The following CMSS1 variants were observed in gnomAD, a reference collection of about 807,000 sequenced individuals.
The protein encoded by CMSS1 is protein CMSS1.
CMSS1 carries 33 observed loss-of-function variants against 43.5 expected under a neutral mutation model. The observed-to-expected ratio is 0.76, with a 90% CI of 0.57 to 1.01. CMSS1 has a LOEUF of 1.01. CMSS1 is among the 50% of genes least tolerant of loss of function. The probability of loss-of-function intolerance (pLI) is 0.00; values close to 1 mark genes in which losing one functional copy is unlikely to be tolerated. For missense variants in CMSS1, 313 were observed against 326.4 expected, an observed-to-expected ratio of 0.96 and a Z score of 0.32; for synonymous variants, 115 against 117.2, an observed-to-expected ratio of 0.98 and a Z score of 0.12.
chr3:100,174,019 A>T (rs1039031498), intron 8 of CMSS1, among the ~76,000 whole-genome samples: 1 of 152,222 alleles, frequency 6.6e-6, no homozygotes, highest in Non-Finnish European at 1.5e-5. Flanking sequence ...CACTTAACAA[A>T]TATTAGTTAT....
Position 100,171,906 on chromosome 3 carries a change from A to G in CMSS1, c.579+7A>G. ...ATTTGCAAAGCACATAAAGGTAAGC[A>G]AGGGCCTGTGTGATCCCTAAAGGCC... On this transcript the variant is annotated splice_region_variant and intron_variant, in intron 7 of 9. Coordinates refer to ENST00000421999, the MANE Select transcript of CMSS1 (RefSeq NM_032359.4). 1 of 1,612,334 alleles carries G rather than the reference A, an allele frequency of 6.2e-7. No individual in the cohort carries two copies. Among genetic ancestry groups the G allele is most frequent in the South Asian group, 1.1e-5 (1 of 91,054 alleles).
chr3:99,850,259 C>T lies in CMSS1; in HGVS notation c.64+32216C>T, dbSNP rs767529915. 43 of 1,613,744 alleles carry T rather than the reference C, an allele frequency of 2.7e-5. No individual in the cohort carries two copies. The highest frequency in any genetic ancestry group is 3.2e-5 in the Non-Finnish European group (38 of 1,179,992). ...TTTTCTAGCCGACTTTCAATGGCTT[C>T]TAGCTCTTTGATCCTTACTTTTAAA... On this transcript the variant is annotated intron_variant, in intron 1 of 9. Transcript: ENST00000421999.
At position 99,929,939 on chromosome 3, in the gene CMSS1, C is replaced by T; in HGVS notation, c.64+111896C>T. ...GCATCTCTCTGGAGAGCCTCTAACA[C>T]CTTTTTTGGAGTGACAAACCCATAC... On this transcript the variant is annotated intron_variant, in intron 1 of 9. Coordinates refer to ENST00000421999, the MANE Select transcript of CMSS1 (RefSeq NM_032359.4). 6.2e-7 allele frequency: 1 copy of T among 1,614,124 alleles called. No individual in the cohort carries two copies. Among genetic ancestry groups the T allele is most frequent in the Non-Finnish European group, 8.5e-7 (1 of 1,180,002 alleles).
rs540763621 is a variant in CMSS1, at chr3:100,179,864, C to T, written c.*1476C>T. 1.4e-4 allele frequency: 22 copies of T among 152,402 alleles called. No homozygotes were observed. The highest frequency in any genetic ancestry group is 5.3e-4 in the African/African-American group (22 of 41,582). The allele number at this position is 152,402 out of a possible 1,614,324, so 9.4% of individuals were successfully genotyped here. A position where few individuals can be genotyped will look rare whatever the true frequency, so the allele number is the denominator to read the frequency against. On this transcript the variant is annotated 3_prime_UTR_variant, in exon 10 of 10. Transcript: ENST00000421999. ...CCCTAGTAGAGGCTCTCCATGAGGG[C>T]TTCACCCCTGTAGCAGACTTCTGCC...
chr3:100,013,214 GTGTTGTTGTTGTTGT>G (rs35047568), intron 1 of CMSS1, among the ~76,000 whole-genome samples: 8 of 145,414 alleles, frequency 5.5e-5, no homozygotes, highest in Non-Finnish European at 6.0e-5. Flanking sequence ...GGCCAGTGAG[GTGTTGTTGTTGTTGT>G]TGTTGTTGTT....
At chr3:99,828,263 T>C (rs572902836) in intron 1 of CMSS1, among the ~76,000 whole-genome samples, 11 of 152,172 alleles carry the variant, frequency 7.2e-5, no homozygotes, top group Non-Finnish European at 1.3e-4. Flanking sequence ...GTCATACCAT[T>C]GCTATCTCTT....
chr3:99,846,026 A>G lies in CMSS1; in HGVS notation c.64+27983A>G, dbSNP rs1943349247. Among the ~76,000 whole-genome samples the G allele has an allele frequency of 2.6e-5, 4 of 152,240 alleles. No homozygotes were observed. The South Asian group carries it at 8.3e-4, about 32-fold the overall frequency. ...CAAGACTTATGGTGTTAACTTTATT[A>G]TAGAGAATTTCTGTAGCTCACATAA... On this transcript the variant is annotated intron_variant, in intron 1 of 9. Transcript: ENST00000421999.
At chr3:99,867,801 A>G (rs187891244) in intron 1 of CMSS1, among the ~76,000 whole-genome samples, 53 of 152,296 alleles carry the variant, frequency 3.5e-4, no homozygotes, top group Middle Eastern at 3.4e-3. Context: ...TCAAGTCTCA[A>G]TGGTTCAAAA....
intron 1 of CMSS1, among the ~76,000 whole-genome samples, chr3:100,003,884 A>G (rs1709912850): frequency 6.6e-6 from 1 of 152,228 alleles, no homozygotes; most frequent in African/African-American, 2.4e-5. Context: ...CAGCAAATGA[A>G]TATAAAGAGA....
intron 1 of CMSS1, among the ~76,000 whole-genome samples, chr3:100,049,098 T>C (rs1268444447): frequency 6.6e-6 from 1 of 152,192 alleles, no homozygotes; most frequent in African/African-American, 2.4e-5. Flanking sequence ...ACTGTAGAAA[T>C]TTGTGTCTGA....
chr3:100,124,412 T>G (rs111872132), intron 1 of CMSS1, among the ~76,000 whole-genome samples: 20 of 152,350 alleles, frequency 1.3e-4, no homozygotes, highest in African/African-American at 4.6e-4. Flanking sequence ...GGCATCAGTG[T>G]TTCCCTTGTT....
intron 1 of CMSS1, among the ~76,000 whole-genome samples, chr3:99,950,964 G>C (rs371096602): frequency 6.6e-6 from 1 of 152,288 alleles, no homozygotes; most frequent in East Asian, 1.9e-4. Context: ...TCTGCCCTTG[G>C]AATAACTCAA....
chr3:100,032,112 G>T (rs1247501839), intron 1 of CMSS1, among the ~76,000 whole-genome samples: 1 of 152,112 alleles, frequency 6.6e-6, no homozygotes, highest in East Asian at 1.9e-4. Context: ...CCTGCCCTAT[G>T]GGAATAAATA....
intron 1 of CMSS1, among the ~76,000 whole-genome samples, chr3:99,954,720 G>A (rs934261060): frequency 3.9e-5 from 6 of 152,070 alleles, no homozygotes; most frequent in African/African-American, 9.7e-5. Flanking sequence ...CAGCTACTCA[G>A]GAGGCTGAGG....
At chr3:99,922,269 G>A (rs1198584910) in intron 1 of CMSS1, among the ~76,000 whole-genome samples, 1 of 152,116 alleles carries the variant, frequency 6.6e-6, no homozygotes, top group Non-Finnish European at 1.5e-5. Context: ...AAACCACAGG[G>A]GTTCAAAATA....
At chr3:100,125,103 G>C (rs1017878057) in intron 1 of CMSS1, among the ~76,000 whole-genome samples, 2 of 152,176 alleles carry the variant, frequency 1.3e-5, no homozygotes, top group African/African-American at 4.8e-5. Context: ...TATTGGGAGA[G>C]GTCAGTCTTC....
At chr3:100,029,145 G>C (rs990806665) in intron 1 of CMSS1, among the ~76,000 whole-genome samples, 2 of 151,948 alleles carry the variant, frequency 1.3e-5, no homozygotes, top group Admixed American at 1.3e-4. Context: ...GGGCAACATA[G>C]CAAGACCTCG....
chr3:100,016,336 G>A (rs1403503347), intron 1 of CMSS1, among the ~76,000 whole-genome samples: 1 of 152,170 alleles, frequency 6.6e-6, no homozygotes, highest in African/African-American at 2.4e-5. Context: ...GGGATTACAG[G>A]CATGCGCACC....
intron 1 of CMSS1, among the ~76,000 whole-genome samples, chr3:99,885,502 TAAACTC>T (rs1395727775): frequency 3.3e-5 from 5 of 152,228 alleles, no homozygotes; most frequent in Admixed American, 6.5e-5. Context: ...ATTTCTTTGT[TAAACTC>T]AAGGATTTAA....
Sources: gnomAD v4.1 joint callset for allele counts (sites outside exome capture counted in the v4.1 genomes callset) on GRCh38, gnomAD v4.1.1 for gene constraint, MANE v1.5 for transcripts, NCBI Gene and HGNC (gene_info 2026-07-23, HGNC 2026-07-21) for gene names.